Variants in C1D observed in about 807,000 individuals in gnomAD.
C1D encodes the protein C1D nuclear receptor corepressor.
C1D carries 10 observed loss-of-function variants against 17.5 expected under a neutral mutation model. The ratio of observed to expected loss-of-function variants is 0.57; its 90% CI spans 0.35 to 0.97. The LOEUF (loss-of-function observed/expected upper bound fraction) is 0.97. C1D is among the 50% of genes least tolerant of loss of function. C1D has a pLI of 0.01. For missense variants in C1D, 136 were observed against 160.1 expected (o/e 0.85, Z 0.81); for synonymous variants, 49 against 54.0 (o/e 0.91, Z 0.40).
At chr2:68,047,097 T>C in intron 2 of C1D, 76 bp downstream of exon 2, 2 of 1,365,540 alleles carry the variant, frequency 1.5e-6, no homozygotes, top group South Asian at 1.5e-5. Context: ...TTAATCTGTT[T>C]CTTCTTCCAC....
chr2:68,052,392 AAT>A (rs997853201), intron 1 of C1D, among the ~76,000 whole-genome samples: 5 of 151,368 alleles, frequency 3.3e-5, no homozygotes, highest in Admixed American at 2.6e-4. Context: ...ATAAAAAACA[AAT>A]AAAGGCACTT....
rs1222153729 is a variant in C1D at position 68,042,013 on chromosome 2, T to C, written c.*876A>G. 2 of 151,992 alleles carry C rather than the reference T, an allele frequency of 1.3e-5. No individual in the cohort carries two copies. The highest frequency in any genetic ancestry group is 4.8e-5 in the African/African-American group (2 of 41,432). 9.4% of individuals were successfully genotyped at this position (151,992 alleles called of 1,614,324 possible). ...AACTTAAGAAGTTGTTCCAAAACAC[T>C]TGTATGTACTTGATACAGCCTCAAA... On this transcript the variant is annotated 3_prime_UTR_variant, in exon 5 of 5. Coordinates refer to ENST00000410067, the MANE Select transcript of C1D (RefSeq NM_173177.3).
intron 1 of C1D, among the ~76,000 whole-genome samples, chr2:68,051,428 T>C (rs1270606665): frequency 6.6e-6 from 1 of 152,098 alleles, no homozygotes; most frequent in Non-Finnish European, 1.5e-5. Context: ...GAGGTCAAGA[T>C]GGAAGGACTG....
At chr2:68,059,379 C>T (rs1475550571) in intron 1 of C1D, among the ~76,000 whole-genome samples, 1 of 152,206 alleles carries the variant, frequency 6.6e-6, no homozygotes, top group Non-Finnish European at 1.5e-5. Context: ...ACCTCCTCTT[C>T]ATAACAGTCT....
At chr2:68,058,081 T>C (rs1178160120) in intron 1 of C1D, among the ~76,000 whole-genome samples, 3 of 152,254 alleles carry the variant, frequency 2.0e-5, no homozygotes, top group Non-Finnish European at 4.4e-5. Context: ...CCTCTGTCAG[T>C]TGCCTGACAG....
chr2:68,046,238 T>C, intron 3 of C1D, 106 bp downstream of exon 3: 1 of 921,648 alleles, frequency 1.1e-6, no homozygotes, highest in Non-Finnish European at 1.7e-6. Context: ...CTATTAAAAG[T>C]GTTATAAAGT....
At chr2:68,050,067 A>C (rs375657770) in intron 1 of C1D, among the ~76,000 whole-genome samples, 63 of 152,342 alleles carry the variant, frequency 4.1e-4, no homozygotes, top group African/African-American at 1.4e-3. Flanking sequence ...AAGGGTATAC[A>C]CTGAAAGTGG....
chr2:68,048,281 A>C (rs570328971), intron 1 of C1D, among the ~76,000 whole-genome samples: 2 of 152,070 alleles, frequency 1.3e-5, no homozygotes, highest in African/African-American at 4.8e-5. Context: ...AATAAAAAAA[A>C]TTTTTTTTGT....
intron 4 of C1D, 88 bp downstream of exon 4, chr2:68,045,900 T>C: frequency 1.1e-6 from 1 of 877,580 alleles, no homozygotes; most frequent in Non-Finnish European, 1.8e-6. Flanking sequence ...CGAATTCTGT[T>C]CTCCCTAATT....
Position 68,057,581 on chromosome 2 carries a change from A to G in C1D, c.-10+5377T>C, listed in dbSNP as rs570136218. ...TAACTGTGGTCACTTCTGGGAAACA[A>G]AAAGCAAGAAAGTGAGGAAGTACAT... is the stretch of plus-strand genomic sequence containing the variant. On this transcript the variant is annotated intron_variant, in intron 1 of 4. Coordinates refer to ENST00000410067, the MANE Select transcript of C1D (RefSeq NM_173177.3). Among the ~76,000 whole-genome samples the G allele has an allele frequency of 2.0e-5, 3 of 152,366 alleles. No individual in the cohort carries two copies. The East Asian group carries it at 5.8e-4, about 29-fold the overall frequency.
At chr2:68,057,293 A>T (rs1164147381) in intron 1 of C1D, among the ~76,000 whole-genome samples, 1 of 149,796 alleles carries the variant, frequency 6.7e-6, no homozygotes, top group Non-Finnish European at 1.5e-5. Context: ...CTGGGATTAC[A>T]GGCGTCCACC....
intron 2 of C1D, 131 bp from the exon 3 acceptor site, chr2:68,046,541 T>A: frequency 1.7e-6 from 1 of 593,572 alleles, no homozygotes; most frequent in Non-Finnish European, 3.0e-6. Context: ...TTTCACTTCA[T>A]ATAATCCAAT....
chr2:68,043,132 T>G (rs1290003821), intron 4 of C1D, 79 bp from the exon 5 acceptor site: 2 of 1,084,514 alleles, frequency 1.8e-6, no homozygotes, highest in Non-Finnish European at 2.7e-6. Flanking sequence ...TACACCTTGG[T>G]TAAATTCAAC....
Position 68,042,812 on chromosome 2 carries a change from C to A in C1D, c.*77G>T. On this transcript the variant is annotated 3_prime_UTR_variant, in exon 5 of 5. Transcript: ENST00000410067. ...AGAAACACATTTAAACCTTGCCCTGCCACAGAATTATTTTGCGGGGGGGGG... is the reference window on the plus strand; with the variant it reads ...AGAAACACATTTAAACCTTGCCCTGACACAGAATTATTTTGCGGGGGGGGG... 1 of 674,704 alleles carries A rather than the reference C, an allele frequency of 1.5e-6. No homozygotes were observed. Among genetic ancestry groups the A allele is most frequent in the South Asian group, 1.6e-5 (1 of 62,338 alleles). The allele number at this position is 674,704 out of a possible 1,614,324, so 41.8% of individuals were successfully genotyped here. A position where few individuals can be genotyped will look rare whatever the true frequency, so the allele number is the denominator to read the frequency against.
At chr2:68,054,847 T>TC (rs1187120219) in intron 1 of C1D, among the ~76,000 whole-genome samples, 8 of 151,814 alleles carry the variant, frequency 5.3e-5, no homozygotes, top group Admixed American at 5.3e-4. Flanking sequence ...ACACCAGTAG[T>TC]CCTAGCTACT....
intron 1 of C1D, among the ~76,000 whole-genome samples, chr2:68,055,606 A>G (rs1671415747): frequency 2.0e-5 from 3 of 152,228 alleles, no homozygotes; most frequent in Admixed American, 2.0e-4. Flanking sequence ...TAGTTCTGTG[A>G]GAAAGAAATC....
At chr2:68,054,149 A>G (rs1275917174) in intron 1 of C1D, among the ~76,000 whole-genome samples, 1 of 152,178 alleles carries the variant, frequency 6.6e-6, no homozygotes, top group East Asian at 1.9e-4. Context: ...CTGTTGTTTC[A>G]GCTTGCCATC....
At chr2:68,058,128 T>C (rs976776551) in intron 1 of C1D, among the ~76,000 whole-genome samples, 6 of 152,230 alleles carry the variant, frequency 3.9e-5, no homozygotes, top group East Asian at 1.9e-4. Flanking sequence ...TCAGCACTTA[T>C]TGCAAAATGT....
intron 4 of C1D, among the ~76,000 whole-genome samples, chr2:68,044,984 C>G (rs1451455089): frequency 1.3e-5 from 2 of 152,122 alleles, no homozygotes; most frequent in Admixed American, 6.5e-5. Context: ...TATCACTGGT[C>G]AAACCAAGAC....
Sources: gnomAD v4.1 joint callset for allele counts (sites outside exome capture counted in the v4.1 genomes callset) on GRCh38, gnomAD v4.1.1 for gene constraint, MANE v1.5 for transcripts, NCBI Gene and HGNC (gene_info 2026-07-23, HGNC 2026-07-21) for gene names.